The following SV2A variants were observed in gnomAD, a reference collection of about 807,000 sequenced individuals.
SV2A encodes synaptic vesicle glycoprotein 2A.
In SV2A, 25 loss-of-function variants were observed where a neutral mutation model predicts 78.0. That is an observed-to-expected ratio of 0.32 (90% CI 0.23 to 0.45). The LOEUF (loss-of-function observed/expected upper bound fraction) is 0.45. SV2A is among the 20% of genes least tolerant of loss of function. The pLI, the probability that SV2A is intolerant of heterozygous loss-of-function variation, is 1.00. For missense variants in SV2A, 752 were observed against 971.5 expected (o/e 0.77, Z 3.00); for synonymous variants, 355 against 384.7 (o/e 0.92, Z 0.90).
chr1:149,905,786 C>T (rs1553762632), intron 12 of SV2A, 94 bp downstream of exon 12: 1 of 1,510,198 alleles, frequency 6.6e-7, no homozygotes, highest in Non-Finnish European at 9.1e-7. Flanking sequence ...TGTATATCCT[C>T]TCACCCCTAA....
At chr1:149,906,939 A>G (rs2092442625) in intron 10 of SV2A, 83 bp from the exon 11 acceptor site, 1 of 1,562,298 alleles carries the variant, frequency 6.4e-7, no homozygotes, top group Non-Finnish European at 8.7e-7. Context: ...AGGGCTCTGC[A>G]TGTATGAAAG....
At chr1:149,907,079 G>T in intron 10 of SV2A, 1 of 748,716 alleles carries the variant, frequency 1.3e-6, no homozygotes, top group Non-Finnish European at 1.6e-6. Flanking sequence ...CTTTGTCCAA[G>T]TTCTCCCATT....
chr1:149,907,822 A>G lies in SV2A; in HGVS notation c.1556T>C (p.Leu519Pro). Residue 519 changes from leucine to proline, a missense_variant, in exon 10 of 13, where the codon CTG becomes CCG. Physicochemically the swap from Leu to Pro is moderately conservative, Grantham distance 98. Transcript: ENST00000369146. ...GQYFNDKFIG[L>P]RLKSVSFEDS... ...CTCAAAGGACACTGACTTGAGCCGC[A>G]GCCCAATGAACCTGTAAGGCCAGGA... The G allele has an allele frequency of 6.2e-7, 1 of 1,614,046 alleles. No homozygotes were observed. Among genetic ancestry groups the G allele is most frequent in the Non-Finnish European group, 8.5e-7 (1 of 1,179,924 alleles).
chr1:149,906,622 C>G (rs373669606), intron 11 of SV2A, 28 bp downstream of exon 11: 13 of 1,612,748 alleles, frequency 8.1e-6, no homozygotes, highest in Non-Finnish European at 1.1e-5. Flanking sequence ...CCCCTACTAT[C>G]AGATCTGACT....
intron 6 of SV2A, 91 bp from the exon 7 acceptor site, chr1:149,909,662 G>T (rs2092463029): frequency 7.0e-7 from 1 of 1,438,572 alleles, no homozygotes; most frequent in Non-Finnish European, 9.7e-7. Context: ...AGCAAAATGG[G>T]AGGCAGGAGG....
chr1:149,917,379 G>A (rs2092521711), intron 1 of SV2A, among the ~76,000 whole-genome samples: 2 of 152,116 alleles, frequency 1.3e-5, no homozygotes, highest in Admixed American at 6.5e-5. Context: ...GGGGTGGGGG[G>A]ACGTCAAGGT....
chr1:149,907,353 C>G (rs1426310357), intron 10 of SV2A, among the ~76,000 whole-genome samples: 1 of 152,030 alleles, frequency 6.6e-6, no homozygotes, highest in Admixed American at 6.6e-5. Context: ...TGCAATGATC[C>G]GCACCAAATA....
chr1:149,916,508 C>T (rs1553764559), intron 1 of SV2A, among the ~76,000 whole-genome samples: 3 of 152,196 alleles, frequency 2.0e-5, no homozygotes, highest in Non-Finnish European at 4.4e-5. Flanking sequence ...CTGACTTCAC[C>T]TGACAGGAAA....
At chr1:149,905,680 T>A (rs782114891) in intron 12 of SV2A, 200 bp downstream of exon 12, 7 of 638,134 alleles carry the variant, frequency 1.1e-5, no homozygotes, top group Non-Finnish European at 1.6e-5. Flanking sequence ...TGACCTCAGG[T>A]GATCTGCCTG....
At chr1:149,916,619 C>T (rs1319823889) in intron 1 of SV2A, among the ~76,000 whole-genome samples, 1 of 152,232 alleles carries the variant, frequency 6.6e-6, no homozygotes, top group Non-Finnish European at 1.5e-5. Flanking sequence ...GGGTCCAGAA[C>T]CCCCCACCCT....
Position 149,903,400 on chromosome 1 carries a change from A to C in SV2A, c.*1614T>G, listed in dbSNP as rs1453019997. ...TTTTCACATCAACAGAGTTGGGTTT[A>C]GGGTTCCCCAGGAGAGCAAGGGAGA... On this transcript the variant is annotated 3_prime_UTR_variant, in exon 13 of 13. Coordinates refer to ENST00000369146, the MANE Select transcript of SV2A (RefSeq NM_014849.5). 6 of 152,270 alleles carry C rather than the reference A, an allele frequency of 3.9e-5. No homozygotes were observed. Among genetic ancestry groups the C allele is most frequent in the African/African-American group, 1.4e-4 (6 of 41,444 alleles). The allele number at this position is 152,270 out of a possible 1,614,324, so 9.4% of individuals were successfully genotyped here.
At position 149,907,430 on chromosome 1, in the gene SV2A, A is replaced by C. The variant is rs113651486; in HGVS notation, c.1678+270T>G. Among the ~76,000 whole-genome samples, 52 of 152,326 alleles carry C rather than the reference A, an allele frequency of 3.4e-4. 2 individuals are homozygous for C. The highest frequency in any genetic ancestry group is 1.2e-3 in the African/African-American group (51 of 41,568). Reference sequence around the variant, plus strand: ...TTTGGATGATTTTTACCTTCTTCAAAAGTGCATTAATTTTACCTCACTGAG... The same window carrying C: ...TTTGGATGATTTTTACCTTCTTCAACAGTGCATTAATTTTACCTCACTGAG... On this transcript the variant is annotated intron_variant, in intron 10 of 12. Transcript: ENST00000369146.
In SV2A at chr1:149,910,532, C is replaced by T. The variant is rs1001423031; in HGVS notation, c.1089+38G>A. The T allele has an allele frequency of 5.1e-6, 8 of 1,560,626 alleles. No individual in the cohort carries two copies. Among genetic ancestry groups the T allele is most frequent in the East Asian group, 2.3e-5 (1 of 43,190 alleles). On this transcript the variant is annotated intron_variant, in intron 5 of 12. Coordinates refer to ENST00000369146, the MANE Select transcript of SV2A (RefSeq NM_014849.5). This position sits in a 1 kb window ranked among gnomAD's most constrained non-coding sequence, Gnocchi z 4.2. ...CTGCTGCCGTCCACACTCCACAGCC[C>T]GCACCCCACCCCACCCCATGCAGCT...
intron 1 of SV2A, among the ~76,000 whole-genome samples, chr1:149,917,195 A>G (rs1197416753): frequency 6.7e-5 from 9 of 134,264 alleles, no homozygotes; most frequent in South Asian, 2.4e-4. Context: ...CCATGCCCCC[A>G]ACACCTGGCG....
At chr1:149,909,704 TAG>T (rs2092463193) in intron 6 of SV2A, 95 bp downstream of exon 6, 1 of 1,465,004 alleles carries the variant, frequency 6.8e-7, no homozygotes, top group Non-Finnish European at 9.5e-7. Context: ...CTCCTTACGG[TAG>T]AGTGTGGTCT....
chr1:149,916,961 A>G (rs992323234), intron 1 of SV2A, among the ~76,000 whole-genome samples: 34 of 151,700 alleles, frequency 2.2e-4, no homozygotes, highest in African/African-American at 8.2e-4. Context: ...GCAGGGAGAG[A>G]CCTCCGCATG....
At chr1:149,912,190 T>C (rs1461041162) in intron 2 of SV2A, among the ~76,000 whole-genome samples, 3 of 152,142 alleles carry the variant, frequency 2.0e-5, no homozygotes, top group Admixed American at 1.3e-4. Flanking sequence ...GGAATGAAGA[T>C]ATGGGAGAAC....
rs56265028 is a variant in SV2A at position 149,910,407 on chromosome 1, A to G, written c.1089+163T>C. On this transcript the variant is annotated intron_variant, in intron 5 of 12. Transcript: ENST00000369146. The surrounding 1 kb of genome is among the most constrained non-coding windows in gnomAD (Gnocchi z 4.2). ...CTCAGGGACACATTCCAAGGCAAAG[A>G]ATGCAAGATAAAGTCCCCTGGAGAG... is the stretch of plus-strand genomic sequence containing the variant. 0.047 allele frequency among the ~76,000 whole-genome samples: 7,117 copies of G among 152,272 alleles called. 219 individuals are homozygous for G. The highest frequency in any genetic ancestry group is 0.073 in the Non-Finnish European group (4,974 of 68,016).
intron 1 of SV2A, among the ~76,000 whole-genome samples, chr1:149,917,076 C>G (rs1571514087): frequency 1.3e-5 from 2 of 152,056 alleles, no homozygotes; most frequent in East Asian, 3.9e-4. Flanking sequence ...TGACTAAATC[C>G]CTGCTCTGAG....
Sources: allele counts gnomAD v4.1 joint callset (sites outside exome capture counted in the v4.1 genomes callset), GRCh38; gene constraint gnomAD v4.1.1; non-coding constraint Gnocchi (gnomAD v3.1); transcripts MANE v1.5; gene names NCBI Gene and HGNC (gene_info 2026-07-23, HGNC 2026-07-21).